TTC34: variants seen among roughly 807,000 people sequenced by gnomAD.
TTC34 encodes tetratricopeptide repeat protein 34.
TTC34 carries 44 observed loss-of-function variants against 40.7 expected under a neutral mutation model. The ratio of observed to expected loss-of-function variants is 1.08; its 90% CI spans 0.85 to 1.39. The LOEUF is 1.39. Among genes scored for constraint, TTC34 ranks in the 40% most tolerant of loss-of-function variants. The pLI is 0.00. For missense variants in TTC34, 884 were observed against 838.0 expected, an observed-to-expected ratio of 1.05 and a Z score of -0.68; for synonymous variants, 422 against 398.6, an observed-to-expected ratio of 1.06 and a Z score of -0.70.
intron 2 of TTC34, among the ~76,000 whole-genome samples, chr1:2,795,847 G>A (rs577766851): frequency 7.9e-5 from 12 of 152,278 alleles, no homozygotes; most frequent in East Asian, 1.9e-4. Context: ...CTCATACATC[G>A]TGTATCGCTG....
rs1249290233 is a variant in TTC34, at chr1:2,760,023, T to C, written c.2226+23586A>G. Reference sequence around the variant, plus strand: ...ACAACCACAGGTGAGCATCGGAGAGTCCGGAGCAGCGCCCACACACCCAAG... The same window carrying C: ...ACAACCACAGGTGAGCATCGGAGAGCCCGGAGCAGCGCCCACACACCCAAG... On this transcript the variant is annotated intron_variant, in intron 6 of 8. Coordinates refer to ENST00000401095, the Ensembl canonical transcript of TTC34. Among the ~76,000 whole-genome samples, 12 of 67,524 alleles carry C rather than the reference T, an allele frequency of 1.8e-4. 1 individual carries two copies. Among genetic ancestry groups the C allele is most frequent in the Admixed American group, 4.3e-4 (3 of 6,934 alleles). The allele number at this position is 67,524 out of a possible 152,430, so 44.3% of individuals were successfully genotyped here. A position where few individuals can be genotyped will look rare whatever the true frequency, so the allele number is the denominator to read the frequency against.
chr1:2,691,345 C>G (rs1375900655), intron 6 of TTC34, among the ~76,000 whole-genome samples: 4 of 92,140 alleles, frequency 4.3e-5, no homozygotes. Context: ...CCCACACCCC[C>G]AGGTGAGCAT....
chr1:2,772,708 T>G (rs1431485484), intron 6 of TTC34, among the ~76,000 whole-genome samples: 1 of 28,874 alleles, frequency 3.5e-5, no homozygotes. Context: ...GGTGAGCATC[T>G]GACAGCCTGG....
chr1:2,691,959 C>A (rs1220401894), intron 6 of TTC34, among the ~76,000 whole-genome samples: 1 of 80,692 alleles, frequency 1.2e-5, no homozygotes, highest in African/African-American at 4.2e-5. Context: ...AGGTGAGCAT[C>A]TGACAGACTG....
intron 6 of TTC34, among the ~76,000 whole-genome samples, chr1:2,686,211 G>A (rs1243805749): frequency 1.3e-3 from 197 of 146,908 alleles, no homozygotes; most frequent in African/African-American, 5.0e-3. Flanking sequence ...CCCCAGGCGA[G>A]CATCTGACAG....
intron 6 of TTC34, among the ~76,000 whole-genome samples, chr1:2,652,508 T>TTGGTCG (rs1570753889): frequency 9.3e-5 from 13 of 139,334 alleles, no homozygotes; most frequent in South Asian, 2.4e-4. Context: ...TCTGACGGCC[T>TTGGTCG]GCAACAGCAC....
chr1:2,750,981 G>C (rs1399194762), intron 6 of TTC34, among the ~76,000 whole-genome samples: 2,701 of 23,906 alleles, frequency 0.11, 420 homozygotes, highest in Middle Eastern at 0.22. Context: ...AGGTGCGCAT[G>C]TGATGGTCTG....
intron 6 of TTC34, among the ~76,000 whole-genome samples, chr1:2,684,718 C>T (rs1328878901): frequency 5.2e-5 from 7 of 133,856 alleles, no homozygotes; most frequent in African/African-American, 9.7e-5. Context: ...CAACCACACC[C>T]CCAGGCGAGC....
At chr1:2,638,711 A>C (rs1638837754) in exon 9 of TTC34, 1 of 152,340 alleles carries the variant, frequency 6.6e-6, no homozygotes, top group African/African-American at 2.4e-5. Flanking sequence ...CCATGCCTTA[A>C]GGGCTGCTGG....
At chr1:2,687,985 C>T (rs542040097) in intron 6 of TTC34, among the ~76,000 whole-genome samples, 1 of 92,690 alleles carries the variant, frequency 1.1e-5, no homozygotes, top group Non-Finnish European at 2.3e-5. Flanking sequence ...GAGCATCTGA[C>T]AGCCTGGAAC....
intron 2 of TTC34, among the ~76,000 whole-genome samples, chr1:2,798,523 C>T (rs1471313811): frequency 8.4e-6 from 1 of 119,458 alleles, no homozygotes; most frequent in Non-Finnish European, 1.7e-5. Context: ...CCAAACCTCC[C>T]AACCTCTCAG....
chr1:2,641,597 A>G (rs1638904556), exon 9 of TTC34: 2 of 1,533,648 alleles, frequency 1.3e-6, no homozygotes, highest in South Asian at 1.2e-5. Context: ...CGCCAGCTTC[A>G]GGGCCTGGGC....
chr1:2,752,801 A>C (rs1369514522), intron 6 of TTC34, among the ~76,000 whole-genome samples: 1 of 118,520 alleles, frequency 8.4e-6, no homozygotes, highest in African/African-American at 3.5e-5. Context: ...ACAGCCTGGA[A>C]CAGCTCCCTG....
intron 6 of TTC34, among the ~76,000 whole-genome samples, chr1:2,653,985 G>A (rs1407978950): frequency 7.9e-3 from 1,119 of 142,382 alleles, no homozygotes; most frequent in African/African-American, 0.03. Context: ...GGTGAGCATC[G>A]GAGAGTCTGG....
intron 6 of TTC34, among the ~76,000 whole-genome samples, chr1:2,749,438 C>G (rs1641245051): frequency 7.0e-6 from 1 of 142,248 alleles, no homozygotes; most frequent in East Asian, 2.0e-4. Flanking sequence ...GGAACAGCAC[C>G]GACACCCCCA....
At chr1:2,756,752 G>A (rs1641520601) in intron 6 of TTC34, among the ~76,000 whole-genome samples, 1 of 115,464 alleles carries the variant, frequency 8.7e-6, no homozygotes, top group Admixed American at 9.2e-5. Flanking sequence ...CACACCCCCA[G>A]TTGAGCATCT....
chr1:2,653,752 C>G (rs1344716929), intron 6 of TTC34, among the ~76,000 whole-genome samples: 1,637 of 147,024 alleles, frequency 0.011, no homozygotes, highest in African/African-American at 0.041. Flanking sequence ...ATCGGAGAGT[C>G]TGGAGCAGCG....
chr1:2,647,031 C>T (rs1046630391), intron 6 of TTC34, among the ~76,000 whole-genome samples: 2 of 152,100 alleles, frequency 1.3e-5, no homozygotes, highest in Non-Finnish European at 2.9e-5. Flanking sequence ...TGCTGTCATT[C>T]GTGTTGTTGT....
chr1:2,771,844 A>C (rs1262338372), intron 6 of TTC34, among the ~76,000 whole-genome samples: 76 of 22,636 alleles, frequency 3.4e-3, no homozygotes, highest in Non-Finnish European at 4.3e-3. Context: ...GCGCCCACAC[A>C]CTGAGGTGAG....
Sources: allele counts gnomAD v4.1 joint callset (sites outside exome capture counted in the v4.1 genomes callset), GRCh38; gene constraint gnomAD v4.1.1; transcripts MANE v1.5; gene names NCBI Gene and HGNC (gene_info 2026-07-23, HGNC 2026-07-21).